Variants in DLGAP1 observed in about 807,000 individuals in gnomAD.
DLGAP1 encodes the protein DLG associated protein 1, also known as disks large-associated protein 1.
DLGAP1 carries 11 observed loss-of-function variants against 90.8 expected under a neutral mutation model. That is an observed-to-expected ratio of 0.12 (90% CI 0.08 to 0.20). The LOEUF (loss-of-function observed/expected upper bound fraction) is 0.20, where lower values mean the gene tolerates loss of function less well. DLGAP1 is among the 10% of genes least tolerant of loss of function. The probability of loss-of-function intolerance (pLI) is 1.00; values close to 1 mark genes in which losing one functional copy is unlikely to be tolerated. For missense variants in DLGAP1, 1,050 were observed against 1,333.8 expected (o/e 0.79, Z 3.31); for synonymous variants, 558 against 540.7 (o/e 1.03, Z -0.44).
At chr18:4,387,375 G>T (rs867805971) in intron 1 of DLGAP1, among the ~76,000 whole-genome samples, 22 of 152,236 alleles carry the variant, frequency 1.4e-4, no homozygotes, top group Middle Eastern at 3.4e-3. Context: ...GATTTAAGCT[G>T]GGCCATATAT....
intron 5 of DLGAP1, among the ~76,000 whole-genome samples, chr18:3,761,576 TTC>T (rs199643106): frequency 0.018 from 2,684 of 151,166 alleles, 42 homozygotes; most frequent in Middle Eastern, 0.085. Context: ...CTTTCTTTCT[TTC>T]TTTTTTTTTT....
intron 1 of DLGAP1, among the ~76,000 whole-genome samples, chr18:4,273,165 C>G (rs765643138): frequency 6.6e-6 from 1 of 152,186 alleles, no homozygotes; most frequent in Non-Finnish European, 1.5e-5. Context: ...GAAACTAATA[C>G]AGCATTGAAA....
At chr18:4,100,775 G>C (rs777634628) in intron 2 of DLGAP1, among the ~76,000 whole-genome samples, 2 of 152,276 alleles carry the variant, frequency 1.3e-5, no homozygotes, top group South Asian at 2.1e-4. Context: ...ACCACTTGCT[G>C]CTTCACTTTC....
chr18:3,661,626 G>A (rs1437966553), intron 7 of DLGAP1, among the ~76,000 whole-genome samples: 1 of 150,422 alleles, frequency 6.6e-6, no homozygotes, highest in Non-Finnish European at 1.5e-5. Flanking sequence ...GCCCAGGCTG[G>A]AGTGCAGTGG....
chr18:3,975,202 TA>T (rs1177522327), intron 3 of DLGAP1, among the ~76,000 whole-genome samples: 2 of 151,942 alleles, frequency 1.3e-5, no homozygotes, highest in Non-Finnish European at 2.9e-5. Context: ...CAATTAAAAA[TA>T]AAAATTATAT....
chr18:3,872,296 C>T (rs915831921), intron 4 of DLGAP1, among the ~76,000 whole-genome samples: 2 of 150,456 alleles, frequency 1.3e-5, no homozygotes, highest in African/African-American at 4.9e-5. Flanking sequence ...AATGTTATGC[C>T]TTTCTTTACA....
intron 5 of DLGAP1, among the ~76,000 whole-genome samples, chr18:3,752,348 A>G (rs2063533143): frequency 1.3e-5 from 2 of 151,994 alleles, no homozygotes; most frequent in South Asian, 4.1e-4. Context: ...TATGCCCATT[A>G]TAGTCACTCT....
At chr18:4,353,229 T>C (rs1228334580) in intron 1 of DLGAP1, among the ~76,000 whole-genome samples, 1 of 152,206 alleles carries the variant, frequency 6.6e-6, no homozygotes, top group East Asian at 1.9e-4. Context: ...TTGTTTTATC[T>C]TGTTCTTCCT....
intron 6 of DLGAP1, among the ~76,000 whole-genome samples, 166 bp downstream of exon 6, chr18:3,742,169 G>T (rs992362972): frequency 1.3e-5 from 2 of 152,080 alleles, no homozygotes; most frequent in African/African-American, 4.8e-5. Flanking sequence ...GGCTTACTGC[G>T]GCTGAACCCA....
At chr18:4,417,175 T>C (rs1404286760) in intron 1 of DLGAP1, among the ~76,000 whole-genome samples, 3 of 152,126 alleles carry the variant, frequency 2.0e-5, no homozygotes, top group Admixed American at 6.5e-5. Context: ...TGTGTGACTG[T>C]GACATGGCAA....
At chr18:3,749,135 C>T (rs966290727) in intron 5 of DLGAP1, among the ~76,000 whole-genome samples, 2 of 148,916 alleles carry the variant, frequency 1.3e-5, no homozygotes, top group African/African-American at 5.0e-5. Flanking sequence ...TCCTCCTCCT[C>T]CTTCTTCTTC....
chr18:3,996,760 T>C (rs1030794296), intron 3 of DLGAP1, among the ~76,000 whole-genome samples: 3 of 152,046 alleles, frequency 2.0e-5, no homozygotes, highest in African/African-American at 7.2e-5. Context: ...TATTAAAGAT[T>C]GAAAAATTGA....
In DLGAP1 at chr18:4,050,668, TTA is replaced by T. The variant is rs201403955; in HGVS notation, c.-158-45469_-158-45468del. ...AGGTTAATGCTCACAGGATAGCCTT[TTA>T]TGTCACTTGTTTTATAAAAAGACAA... is the stretch of plus-strand genomic sequence containing the variant. On this transcript the variant is annotated intron_variant, in intron 2 of 12. Transcript: ENST00000315677. Among the ~76,000 whole-genome samples the T allele has an allele frequency of 2.0e-5, 3 of 152,212 alleles. No homozygotes were observed. The East Asian group carries it at 5.8e-4, about 29-fold the overall frequency.
chr18:3,696,011 G>T (rs1808892803), intron 7 of DLGAP1, among the ~76,000 whole-genome samples: 1 of 152,180 alleles, frequency 6.6e-6, no homozygotes, highest in Non-Finnish European at 1.5e-5. Context: ...TATTACTGGT[G>T]TATAAGAATG....
At chr18:3,760,784 A>G (rs1295450067) in intron 5 of DLGAP1, among the ~76,000 whole-genome samples, 1 of 152,186 alleles carries the variant, frequency 6.6e-6, no homozygotes, top group Non-Finnish European at 1.5e-5. Context: ...GACCAAATTG[A>G]TCACCAAATC....
intron 1 of DLGAP1, among the ~76,000 whole-genome samples, chr18:4,451,260 G>A (rs971304105): frequency 2.0e-5 from 3 of 152,146 alleles, no homozygotes; most frequent in Non-Finnish European, 4.4e-5. Flanking sequence ...TCAAAGGGAT[G>A]TCATTCACCT....
At chr18:3,687,560 C>A (rs936422317) in intron 7 of DLGAP1, among the ~76,000 whole-genome samples, 15 of 152,094 alleles carry the variant, frequency 9.9e-5, no homozygotes, top group African/African-American at 3.4e-4. Flanking sequence ...TTTTGAAGAA[C>A]ATTTACTCTT....
chr18:4,237,254 A>C (rs2078436144), intron 1 of DLGAP1, among the ~76,000 whole-genome samples: 1 of 152,114 alleles, frequency 6.6e-6, no homozygotes, highest in Non-Finnish European at 1.5e-5. Context: ...GGAAACTCTA[A>C]ATTTATACTT....
intron 7 of DLGAP1, among the ~76,000 whole-genome samples, chr18:3,669,204 A>C (rs1437992708): frequency 1.3e-5 from 2 of 151,996 alleles, no homozygotes; most frequent in Non-Finnish European, 2.9e-5. Context: ...TTTGCACTGC[A>C]TCTTTAAAAT....
Sources: gnomAD v4.1 joint callset for allele counts (sites outside exome capture counted in the v4.1 genomes callset) on GRCh38, gnomAD v4.1.1 for gene constraint, MANE v1.5 for transcripts, NCBI Gene and HGNC (gene_info 2026-07-23, HGNC 2026-07-21) for gene names.